Variants in PRKG1 observed in about 807,000 individuals in gnomAD.
PRKG1 encodes protein kinase cGMP-dependent 1, also known as cGMP-dependent protein kinase 1.
PRKG1 carries 35 observed loss-of-function variants against 88.1 expected under a neutral mutation model. The observed-to-expected ratio is 0.40, with a 90% CI of 0.30 to 0.53. The LOEUF (loss-of-function observed/expected upper bound fraction) is 0.53, where lower values mean the gene tolerates loss of function less well. Among genes scored for constraint, PRKG1 ranks in the 20% least tolerant of loss-of-function variants. The pLI is 0.59. For missense variants in PRKG1, 540 were observed against 839.8 expected (o/e 0.64, Z 4.41); for synonymous variants, 303 against 292.5 (o/e 1.04, Z -0.37).
chr10:51,210,299 G>A (rs1838178279), intron 2 of PRKG1, among the ~76,000 whole-genome samples: 1 of 152,038 alleles, frequency 6.6e-6, no homozygotes, highest in African/African-American at 2.4e-5. Flanking sequence ...CAGAATCTCT[G>A]GGACACATTC....
At chr10:52,262,386 C>T (rs1482015937) in intron 10 of PRKG1, among the ~76,000 whole-genome samples, 3 of 152,056 alleles carry the variant, frequency 2.0e-5, no homozygotes, top group African/African-American at 7.2e-5. Context: ...ATTCTCCTGC[C>T]TCAGCCTCCT....
intron 5 of PRKG1, among the ~76,000 whole-genome samples, chr10:51,935,204 G>A (rs1842776311): frequency 6.6e-6 from 1 of 152,128 alleles, no homozygotes; most frequent in African/African-American, 2.4e-5. Context: ...AAGAGTAGGG[G>A]ACATCAGCTT....
chr10:52,267,471 T>G (rs1841605722), intron 10 of PRKG1, among the ~76,000 whole-genome samples: 1 of 151,832 alleles, frequency 6.6e-6, no homozygotes, highest in Non-Finnish European at 1.5e-5. Context: ...AGTTTTACTT[T>G]TACTCATTGT....
chr10:51,859,406 C>A (rs1394835009), intron 4 of PRKG1, among the ~76,000 whole-genome samples: 1 of 145,144 alleles, frequency 6.9e-6, no homozygotes. Context: ...TGTTTTTAGT[C>A]TGCAACAGAG....
Position 51,967,404 on chromosome 10 carries a change from C to T in PRKG1, c.762+59834C>T, listed in dbSNP as rs1431723441. 3.3e-5 allele frequency among the ~76,000 whole-genome samples: 5 copies of T among 151,870 alleles called. No individual in the cohort carries two copies. The East Asian group carries it at 9.7e-4, about 29-fold the overall frequency. ...GGAAGGGGAACATCACACACTGAGG[C>T]CTGTTGTGGGGTGGGGGATGGGGGA... On this transcript the variant is annotated intron_variant, in intron 5 of 17. Transcript: ENST00000373980.
At chr10:52,179,931 C>T (rs1185431075) in intron 9 of PRKG1, among the ~76,000 whole-genome samples, 1 of 152,172 alleles carries the variant, frequency 6.6e-6, no homozygotes, top group African/African-American at 2.4e-5. Flanking sequence ...TCGTGATCTG[C>T]CCGCTTTGGC....
chr10:51,844,006 A>C (rs918113462), intron 4 of PRKG1, among the ~76,000 whole-genome samples: 1 of 152,192 alleles, frequency 6.6e-6, no homozygotes, highest in African/African-American at 2.4e-5. Context: ...TACTATATTC[A>C]TAGAATTTGC....
Position 51,945,728 on chromosome 10 carries a change from T to A in PRKG1, c.762+38158T>A, listed in dbSNP as rs1473373839. Among the ~76,000 whole-genome samples, 415 of 150,140 alleles carry A rather than the reference T, an allele frequency of 2.8e-3. 3 individuals carry two copies. The highest frequency in any genetic ancestry group is 6.8e-3 in the Middle Eastern group (2 of 292). ...CTTCACTTATGAAGCTTAGTTTGGC[T>A]GGATATGAAATTCTGGGTTGAAAAT... On this transcript the variant is annotated intron_variant, in intron 5 of 17. Coordinates refer to ENST00000373980, the MANE Select transcript of PRKG1 (RefSeq NM_006258.4).
At chr10:51,795,596 C>A (rs1293112565) in intron 3 of PRKG1, among the ~76,000 whole-genome samples, 2 of 152,040 alleles carry the variant, frequency 1.3e-5, no homozygotes, top group Non-Finnish European at 2.9e-5. Flanking sequence ...AGCAGTTATG[C>A]GCTTGATGGA....
intron 3 of PRKG1, among the ~76,000 whole-genome samples, chr10:51,738,167 G>A (rs969547423): frequency 1.3e-5 from 2 of 152,168 alleles, no homozygotes; most frequent in African/African-American, 2.4e-5. Context: ...CCTGTTTCTT[G>A]CTGGTGATCT....
intron 3 of PRKG1, among the ~76,000 whole-genome samples, chr10:51,535,817 G>A (rs751433300): frequency 2.2e-4 from 33 of 150,932 alleles, no homozygotes; most frequent in Non-Finnish European, 4.1e-4. Flanking sequence ...TCCGCCTCCC[G>A]GTTCAAGCAA....
At chr10:51,453,589 G>C (rs747399068) in intron 2 of PRKG1, among the ~76,000 whole-genome samples, 8 of 151,866 alleles carry the variant, frequency 5.3e-5, no homozygotes, top group Non-Finnish European at 5.9e-5. Flanking sequence ...TTTAAAATCA[G>C]ATTAATTTCC....
At chr10:51,531,539 G>T (rs1213853744) in intron 3 of PRKG1, among the ~76,000 whole-genome samples, 1 of 147,714 alleles carries the variant, frequency 6.8e-6, no homozygotes, top group Non-Finnish European at 1.5e-5. Flanking sequence ...TTAATGTAAT[G>T]TATATATTTT....
At chr10:52,233,843 G>T (rs1840600361) in intron 9 of PRKG1, among the ~76,000 whole-genome samples, 1 of 152,100 alleles carries the variant, frequency 6.6e-6, no homozygotes, top group Non-Finnish European at 1.5e-5. Flanking sequence ...GCCACTGTAG[G>T]CTCCACCTCT....
chr10:51,941,429 C>G (rs887777883), intron 5 of PRKG1, among the ~76,000 whole-genome samples: 5 of 151,578 alleles, frequency 3.3e-5, no homozygotes, highest in African/African-American at 1.2e-4. Flanking sequence ...TTTGATCACA[C>G]GTGCTTATGT....
At chr10:51,797,326 A>G (rs951643619) in intron 3 of PRKG1, among the ~76,000 whole-genome samples, 39 of 147,394 alleles carry the variant, frequency 2.6e-4, no homozygotes, top group African/African-American at 4.9e-4. Flanking sequence ...TTATATATAT[A>G]ATGGTTAGGA....
intron 3 of PRKG1, among the ~76,000 whole-genome samples, chr10:51,589,549 G>C (rs983033545): frequency 2.0e-5 from 3 of 152,176 alleles, no homozygotes; most frequent in Admixed American, 1.3e-4. Context: ...GCTTGAACCA[G>C]GAGGCGGAGG....
intron 2 of PRKG1, among the ~76,000 whole-genome samples, chr10:51,217,970 A>G (rs1245878881): frequency 2.0e-5 from 3 of 152,056 alleles, no homozygotes; most frequent in Non-Finnish European, 4.4e-5. Flanking sequence ...AGTGATTAAC[A>G]TCTCATAATT....
intron 3 of PRKG1, among the ~76,000 whole-genome samples, chr10:51,569,754 T>C (rs1471704051): frequency 1.3e-5 from 2 of 151,978 alleles, no homozygotes; most frequent in East Asian, 1.9e-4. Context: ...ACCATGTCAT[T>C]CTCTGCATTT....
Sources: gnomAD v4.1 joint callset for allele counts (sites outside exome capture counted in the v4.1 genomes callset) on GRCh38, gnomAD v4.1.1 for gene constraint, MANE v1.5 for transcripts, NCBI Gene and HGNC (gene_info 2026-07-23, HGNC 2026-07-21) for gene names.